Variants in SNX4 observed in about 807,000 individuals in gnomAD.
SNX4 encodes the protein sorting nexin-4.
A neutral mutation model predicts 70.8 loss-of-function variants in SNX4; 49 were observed. The observed-to-expected ratio is 0.69, with a 90% CI of 0.55 to 0.88. SNX4 has a LOEUF of 0.88. SNX4 is among the 40% of genes least tolerant of loss of function. The pLI is 0.00. For missense variants in SNX4, 528 were observed against 544.8 expected (o/e 0.97, Z 0.31); for synonymous variants, 206 against 183.8 (o/e 1.12, Z -0.98).
chr3:125,514,389 CTTTTTTT>C (rs57357708), intron 1 of SNX4, among the ~76,000 whole-genome samples: 1 of 127,142 alleles, frequency 7.9e-6, no homozygotes, highest in Non-Finnish European at 1.6e-5. Context: ...GTGACCAACA[CTTTTTTT>C]TTTTTTTTTT....
intron 11 of SNX4, among the ~76,000 whole-genome samples, chr3:125,456,443 T>G (rs1249247115): frequency 3.3e-5 from 5 of 152,050 alleles, no homozygotes; most frequent in Non-Finnish European, 7.4e-5. Context: ...GGAGGATCAC[T>G]TGAGTCCAGG....
At chr3:125,449,899 C>T (rs1215153993) in intron 13 of SNX4, among the ~76,000 whole-genome samples, 1 of 152,084 alleles carries the variant, frequency 6.6e-6, no homozygotes, top group Non-Finnish European at 1.5e-5. Flanking sequence ...AAACTAAAAA[C>T]CTTTGTTATC....
At chr3:125,518,367 C>A (rs1477331748) in intron 1 of SNX4, among the ~76,000 whole-genome samples, 1 of 151,816 alleles carries the variant, frequency 6.6e-6, no homozygotes, top group East Asian at 1.9e-4. Context: ...GAGGCTGAGG[C>A]AGGAGGCTCG....
At chr3:125,487,740 G>C (rs894415014) in intron 6 of SNX4, among the ~76,000 whole-genome samples, 1 of 148,874 alleles carries the variant, frequency 6.7e-6, no homozygotes, top group African/African-American at 2.5e-5. Flanking sequence ...TTGACATACT[G>C]TATATGATGT....
rs576526875 is a variant in SNX4 at position 125,453,687 on chromosome 3, T to C, written c.1190+123A>G. The C allele has an allele frequency of 2.5e-5, 22 of 885,492 alleles. No individual in the cohort carries two copies. In the African/African-American group the frequency reaches 2.7e-4, roughly 11 times the overall value. 54.9% of individuals were successfully genotyped at this position (885,492 alleles called of 1,614,324 possible). A position where few individuals can be genotyped will look rare whatever the true frequency, so the allele number is the denominator to read the frequency against. ...TTCTTAGGAATGCATTTTAAAGGAA[T>C]AGGCTGTATTCAGGGATGCCAATGA... On this transcript the variant is annotated intron_variant, in intron 12 of 13. Coordinates refer to ENST00000251775, the MANE Select transcript of SNX4 (RefSeq NM_003794.4).
intron 1 of SNX4, among the ~76,000 whole-genome samples, chr3:125,518,538 T>G (rs751258650): frequency 1.7e-4 from 26 of 152,144 alleles, no homozygotes; most frequent in Non-Finnish European, 3.5e-4. Context: ...CAGGCAAAAC[T>G]TTCAAATCCT....
Position 125,498,175 on chromosome 3 carries a change from C to T in SNX4, c.283G>A (p.Gly95Ser), listed in dbSNP as rs371775942. 1.3e-4 allele frequency: 203 copies of T among 1,613,828 alleles called. No homozygotes were observed. Among genetic ancestry groups the T allele is most frequent in the Non-Finnish European group, 1.7e-4 (198 of 1,179,964 alleles). ...IETRSVEHTD[G>S]QSVLTDSLWR... is the part of the protein sequence containing the mutation. The stretch of plus-strand genomic sequence containing the variant: ...AGTGAGTCTGTTAGGACACTCTGAC[C>T]ATCGGTATGTTCAACTGACCTGAAA... The change falls in exon 3 of 14, where the codon GGT (glycine) becomes AGT (serine). Residue 95 changes from glycine (G) to serine (S), a missense_variant. Physicochemically the swap from Gly to Ser is moderately conservative, Grantham distance 56. Transcript: ENST00000251775.
chr3:125,469,607 C>T, intron 8 of SNX4, 88 bp from the exon 9 acceptor site: 4 of 926,212 alleles, frequency 4.3e-6, no homozygotes, highest in South Asian at 4.3e-5. Context: ...TCTTGTCTAG[C>T]TAGCTTTAAA....
intron 1 of SNX4, among the ~76,000 whole-genome samples, chr3:125,519,525 T>C (rs560118028): frequency 2.0e-5 from 3 of 152,158 alleles, no homozygotes; most frequent in Non-Finnish European, 4.4e-5. Context: ...ACCACCCTTA[T>C]TGGCCCTGAC....
intron 1 of SNX4, among the ~76,000 whole-genome samples, chr3:125,519,691 A>T (rs1025601966): frequency 6.6e-6 from 1 of 151,864 alleles, no homozygotes; most frequent in African/African-American, 2.4e-5. Context: ...CTACGCGACC[A>T]CTGAAAACCC....
chr3:125,471,391 ACATG>A (rs1256785999), intron 8 of SNX4, among the ~76,000 whole-genome samples: 3 of 138,800 alleles, frequency 2.2e-5, no homozygotes, highest in Admixed American at 7.3e-5. Context: ...CACTTACCAT[ACATG>A]TAATTAAAAA....
Position 125,495,275 on chromosome 3 carries a change from T to TATATATATATATATATATACACACACAC in SNX4, c.597+2065_597+2066insGTGTGTGTGTATATATATATATATATAT. On this transcript the variant is annotated intron_variant, in intron 5 of 13. Transcript: ENST00000251775. ...TTATATATATATATATATATATATA[T>TATATATATATATATATATACACACACAC]ATACACATACACACACACACACGTA... 1.8e-3 allele frequency among the ~76,000 whole-genome samples: 153 copies of TATATATATATATATATATACACACACAC among 83,012 alleles called. 1 individual carries two copies. The highest frequency in any genetic ancestry group is 5.0e-3 in the African/African-American group (139 of 27,542). The allele number at this position is 83,012 out of a possible 152,430, so 54.5% of individuals were successfully genotyped here.
intron 1 of SNX4, among the ~76,000 whole-genome samples, chr3:125,511,226 T>G (rs1019215463): frequency 1.3e-5 from 2 of 152,214 alleles, no homozygotes; most frequent in African/African-American, 2.4e-5. Flanking sequence ...ACACAATTTT[T>G]TAAACTGAAG....
At chr3:125,475,640 T>C (rs1187132852) in intron 8 of SNX4, among the ~76,000 whole-genome samples, 1 of 152,188 alleles carries the variant, frequency 6.6e-6, no homozygotes, top group Non-Finnish European at 1.5e-5. Context: ...GCTGGGATTA[T>C]AGGCATGAGC....
intron 5 of SNX4, among the ~76,000 whole-genome samples, chr3:125,491,828 G>A (rs1934665592): frequency 6.6e-6 from 1 of 152,138 alleles, no homozygotes; most frequent in African/African-American, 2.4e-5. Flanking sequence ...AGAGCCATAA[G>A]CCGGGCACGG....
rs1343843748 is a variant in SNX4 at position 125,498,000 on chromosome 3, A to T, written c.400-17T>A. ...AAATTCTGCCTAGGTAAACAAAATA[A>T]TCATTAAGAATAGTCTCAATGCTGA... On this transcript the variant is annotated splice_polypyrimidine_tract_variant and intron_variant, in intron 3 of 13. Coordinates refer to ENST00000251775, the MANE Select transcript of SNX4 (RefSeq NM_003794.4). 6.2e-7 allele frequency: 1 copy of T among 1,614,070 alleles called. No homozygotes were observed. Among genetic ancestry groups the T allele is most frequent in the Admixed American group, 1.7e-5 (1 of 59,984 alleles).
intron 10 of SNX4, among the ~76,000 whole-genome samples, chr3:125,459,696 C>G (rs939336683): frequency 5.3e-5 from 8 of 152,054 alleles, no homozygotes; most frequent in Non-Finnish European, 1.2e-4. Flanking sequence ...GCCTTGGGCT[C>G]CCAAAGTGCT....
intron 5 of SNX4, among the ~76,000 whole-genome samples, chr3:125,493,784 C>A (rs1347060606): frequency 1.3e-5 from 2 of 151,984 alleles, no homozygotes; most frequent in Non-Finnish European, 2.9e-5. Flanking sequence ...GTAATCCCAG[C>A]ACTTTGGGAG....
chr3:125,518,519 GT>G (rs1380203607), intron 1 of SNX4, among the ~76,000 whole-genome samples: 4 of 152,150 alleles, frequency 2.6e-5, no homozygotes, highest in African/African-American at 9.7e-5. Flanking sequence ...ACCCAGGTAT[GT>G]TCCACAGCAG....
Sources: gnomAD v4.1 joint callset for allele counts (sites outside exome capture counted in the v4.1 genomes callset) on GRCh38, gnomAD v4.1.1 for gene constraint, MANE v1.5 for transcripts, NCBI Gene and HGNC (gene_info 2026-07-23, HGNC 2026-07-21) for gene names.